STIM2: variants seen among roughly 807,000 people sequenced by gnomAD.
STIM2 encodes stromal interaction molecule 2.
Under a neutral mutation model 85.8 loss-of-function variants are expected in STIM2, and 31 were observed. The observed-to-expected ratio is 0.36, with a 90% confidence interval of 0.27 to 0.49. The LOEUF (loss-of-function observed/expected upper bound fraction) is 0.49. STIM2 is among the 20% of genes least tolerant of loss of function. The pLI is 0.98. For missense variants in STIM2, 841 were observed against 927.6 expected, an observed-to-expected ratio of 0.91 and a Z score of 1.21; for synonymous variants, 356 against 331.1, an observed-to-expected ratio of 1.08 and a Z score of -0.82.
At chr4:26,909,723 C>G (rs994340752) in intron 1 of STIM2, among the ~76,000 whole-genome samples, 1 of 152,150 alleles carries the variant, frequency 6.6e-6, no homozygotes, top group Non-Finnish European at 1.5e-5. Flanking sequence ...TTTGAGCATA[C>G]AATTCAGTAG....
chr4:26,889,526 G>A (rs570010293), intron 1 of STIM2, among the ~76,000 whole-genome samples: 25 of 152,280 alleles, frequency 1.6e-4, no homozygotes, highest in African/African-American at 5.8e-4. Flanking sequence ...GTTGTAATAA[G>A]AACAAAACAG....
At chr4:26,948,782 T>G (rs1211207307) in intron 2 of STIM2, among the ~76,000 whole-genome samples, 1 of 139,558 alleles carries the variant, frequency 7.2e-6, no homozygotes, top group East Asian at 2.0e-4. Context: ...AATTCTTTAG[T>G]TTTTTTTTTT....
At chr4:26,995,291 A>G in intron 3 of STIM2, 88 bp from the exon 4 acceptor site, 1 of 665,968 alleles carries the variant, frequency 1.5e-6, no homozygotes, top group Non-Finnish European at 2.4e-6. Flanking sequence ...AATGCAATCT[A>G]ATATCTTTAT....
chr4:26,936,205 C>T (rs1339734693), intron 2 of STIM2, among the ~76,000 whole-genome samples: 1 of 152,162 alleles, frequency 6.6e-6, no homozygotes, highest in Admixed American at 6.5e-5. Flanking sequence ...AAACTTCTAC[C>T]TGGTCCCAGC....
intron 2 of STIM2, among the ~76,000 whole-genome samples, chr4:26,944,871 G>A (rs1725755834): frequency 6.6e-6 from 1 of 152,198 alleles, no homozygotes; most frequent in African/African-American, 2.4e-5. Context: ...AAATCTAATA[G>A]TGCATGGTGA....
rs544635855 is a variant in STIM2, at chr4:27,019,470, G to A, written c.1763+1486G>A. 3.1e-6 allele frequency: 4 copies of A among 1,289,816 alleles called. No homozygotes were observed. The African/African-American group carries it at 6.1e-5, about 20-fold the overall frequency. 79.9% of individuals were successfully genotyped at this position (1,289,816 alleles called of 1,614,324 possible). A position where few individuals can be genotyped will look rare whatever the true frequency, so the allele number is the denominator to read the frequency against. ...CTTGTGTGGTTTCTGGAAATCAGAA[G>A]GAAAACTCGAGAGCTGCACTGTCTA... On this transcript the variant is annotated intron_variant, in intron 11 of 11. Transcript: ENST00000467087.
chr4:26,862,909 A>C (rs1722270950), intron 1 of STIM2, among the ~76,000 whole-genome samples: 1 of 152,224 alleles, frequency 6.6e-6, no homozygotes, highest in Non-Finnish European at 1.5e-5. Flanking sequence ...GCAGGAAGGG[A>C]AGGAGCAGGA....
chr4:26,982,912 A>G (rs887234972), intron 3 of STIM2, among the ~76,000 whole-genome samples: 1 of 152,170 alleles, frequency 6.6e-6, no homozygotes, highest in African/African-American at 2.4e-5. Flanking sequence ...TGACTCTGTT[A>G]TCTTAATATG....
chr4:26,929,729 A>G (rs1577444397), intron 2 of STIM2, among the ~76,000 whole-genome samples: 2 of 152,146 alleles, frequency 1.3e-5, no homozygotes. Flanking sequence ...CTGATGGCCT[A>G]TTTTATACCA....
chr4:26,881,733 A>G (rs2109036783), intron 1 of STIM2: 1 of 152,342 alleles, frequency 6.6e-6, no homozygotes, highest in East Asian at 1.9e-4. Context: ...TTAAAAATCC[A>G]ACGTATCCTG....
chr4:26,869,266 T>C (rs1321805840), intron 1 of STIM2, among the ~76,000 whole-genome samples: 6 of 141,422 alleles, frequency 4.2e-5, no homozygotes, highest in African/African-American at 1.6e-4. Flanking sequence ...GCCACTGCAC[T>C]CTGGCCTGGA....
chr4:26,966,572 TAATAGA>T (rs1726729810), intron 3 of STIM2, among the ~76,000 whole-genome samples: 1 of 152,142 alleles, frequency 6.6e-6, no homozygotes, highest in Non-Finnish European at 1.5e-5. Context: ...ATAGCGACTG[TAATAGA>T]AATAATGTAA....
intron 3 of STIM2, among the ~76,000 whole-genome samples, chr4:26,970,199 GTATATATATATATATATATATA>G (rs67648567): frequency 0.39 from 35,271 of 90,866 alleles, 4,652 homozygotes; most frequent in East Asian, 0.53. Context: ...TAGTGTGTGT[GTATATATATATATATATATATA>G]TGTATATATA....
intron 3 of STIM2, among the ~76,000 whole-genome samples, chr4:26,987,830 C>T (rs1044843701): frequency 6.6e-6 from 1 of 152,204 alleles, no homozygotes; most frequent in Non-Finnish European, 1.5e-5. Context: ...TTTGGCATTA[C>T]TGTTAGTACT....
chr4:26,916,576 TTC>T (rs1258866950), intron 1 of STIM2, among the ~76,000 whole-genome samples: 1 of 152,216 alleles, frequency 6.6e-6, no homozygotes, highest in East Asian at 1.9e-4. Context: ...CATTAATAGC[TTC>T]TCAGTGTTTT....
At chr4:27,007,851 GTAA>G (rs1728420057) in intron 8 of STIM2, 151 bp downstream of exon 8, 1 of 816,994 alleles carries the variant, frequency 1.2e-6, no homozygotes. Flanking sequence ...ATAGACTCTA[GTAA>G]TCATAAGCTT....
intron 1 of STIM2, among the ~76,000 whole-genome samples, chr4:26,896,113 T>C (rs1034166409): frequency 6.6e-6 from 1 of 152,322 alleles, no homozygotes; most frequent in Non-Finnish European, 1.5e-5. Flanking sequence ...AGGTCTTCAA[T>C]TGCTTGATTT....
intron 1 of STIM2, among the ~76,000 whole-genome samples, chr4:26,888,212 C>T (rs1274845841): frequency 6.6e-6 from 1 of 152,148 alleles, no homozygotes; most frequent in Non-Finnish European, 1.5e-5. Flanking sequence ...GTCAACTTGG[C>T]GCCCATACAC....
At chr4:27,021,686 G>T (rs1336729881) in intron 11 of STIM2, 1 of 451,980 alleles carries the variant, frequency 2.2e-6, no homozygotes, top group African/African-American at 2.0e-5. Flanking sequence ...AGCTGGGAGG[G>T]AAGAATGAGA....
Sources: allele counts gnomAD v4.1 joint callset (sites outside exome capture counted in the v4.1 genomes callset), GRCh38; gene constraint gnomAD v4.1.1; transcripts MANE v1.5; gene names NCBI Gene and HGNC (gene_info 2026-07-23, HGNC 2026-07-21).